DOC2A: variants seen among roughly 807,000 people sequenced by gnomAD.
DOC2A encodes double C2-like domain-containing protein alpha.
A neutral mutation model predicts 40.6 loss-of-function variants in DOC2A; 28 were observed. The ratio of observed to expected loss-of-function variants is 0.69; its 90% confidence interval spans 0.51 to 0.95. The LOEUF (loss-of-function observed/expected upper bound fraction) is 0.95. Ranked by LOEUF, DOC2A falls within the 40% of genes least tolerant of loss-of-function variation. The pLI, the probability that DOC2A is intolerant of heterozygous loss-of-function variation, is 0.00. For synonymous variants in DOC2A, 241 were observed against 236.9 expected (o/e 1.02, Z -0.16); for missense variants, 474 against 552.5 (o/e 0.86, Z 1.42).
In DOC2A at chr16:30,009,085, C is replaced by G. The variant is rs1210242780; in HGVS notation, c.438G>C (p.Lys146Asn). Residue 146 changes from lysine (K) to asparagine (N), a missense_variant, in exon 5 of 11, where the codon AAG becomes AAC. By Grantham distance (94) the Lys-to-Asn change is moderately conservative. Coordinates refer to ENST00000350119, the MANE Select transcript of DOC2A (RefSeq NM_003586.3). The surrounding 1 kb of genome is among the most constrained non-coding windows in gnomAD (Gnocchi z 4.1). ...CGGGATTCAGTGTGTTCCTCTGAGTCTTCGTTTTTAGCTTATTGGCCTGGG... is the reference window on the plus strand; with the variant it reads ...CGGGATTCAGTGTGTTCCTCTGAGTGTTCGTTTTTAGCTTATTGGCCTGGG... ...GACKANKLKT[K>N]TQRNTLNPVW... is the part of the protein sequence containing the mutation. 6.2e-7 allele frequency: 1 copy of G among 1,613,920 alleles called. No individual in the cohort carries two copies. Among genetic ancestry groups the G allele is most frequent in the Admixed American group, 1.7e-5 (1 of 60,008 alleles).
At position 30,005,699 on chromosome 16, in the gene DOC2A, C is replaced by T. The variant is rs529303540; in HGVS notation, c.*487G>A. 5.5e-6 allele frequency: 3 copies of T among 545,460 alleles called. No individual in the cohort carries two copies. In the South Asian group the frequency reaches 7.2e-5, roughly 13 times the overall value. The allele number at this position is 545,460 out of a possible 1,614,324, so 33.8% of individuals were successfully genotyped here. ...GAGCATCTGCCACCTGCTGGGGAGG[C>T]AGAGACCCTGCAATGGCCACCTCTT... On this transcript the variant is annotated 3_prime_UTR_variant, in exon 11 of 11. Coordinates refer to ENST00000350119, the MANE Select transcript of DOC2A (RefSeq NM_003586.3).
upstream of DOC2A, chr16:30,011,316 G>T (rs945833414): frequency 1.8e-5 from 18 of 983,626 alleles, no homozygotes; most frequent in Non-Finnish European, 2.0e-5. Context: ...CCAGGCGCGC[G>T]CTGGCACACT....
Position 30,006,309 on chromosome 16 carries a change from A to G in DOC2A, c.1080T>C (p.Gly360=). Residue 360 remains glycine, a synonymous_variant, in exon 11 of 11, where the codon GGT becomes GGC. Transcript: ENST00000350119. This position sits in a 1 kb window ranked among gnomAD's most constrained non-coding sequence, Gnocchi z 6.2. ...AGTGCTTCCGAGCCTCGCCTCGGGCACCTGGCCCCAGGGACACGCCACCTG... is the reference window on the plus strand; with the variant it reads ...AGTGCTTCCGAGCCTCGCCTCGGGCGCCTGGCCCCAGGGACACGCCACCTG... ...DFIGGVSLGP[G]ARGEARKHWS... 1 of 1,611,604 alleles carries G rather than the reference A, an allele frequency of 6.2e-7. No individual in the cohort carries two copies. Among genetic ancestry groups the G allele is most frequent in the Non-Finnish European group, 8.5e-7 (1 of 1,179,518 alleles).
At chr16:30,011,399 A>C (rs995584601), upstream of DOC2A, 1 of 985,056 alleles carries the variant, frequency 1.0e-6, no homozygotes, top group Non-Finnish European at 1.2e-6. Context: ...AGCAGCCGCC[A>C]GAATCGCCGG....
intron 5 of DOC2A, chr16:30,008,692 AC>A: frequency 2.8e-6 from 1 of 358,398 alleles, no homozygotes; most frequent in South Asian, 2.5e-5. Flanking sequence ...TTTAGTAGAG[AC>A]GGGGGTTTCA....
chr16:30,011,445 C>A (rs1206610526), upstream of DOC2A: 4 of 983,636 alleles, frequency 4.1e-6, no homozygotes, highest in African/African-American at 1.7e-5. Context: ...CCTGGCCCCC[C>A]GCCCCCGCCC....
upstream of DOC2A, among the ~76,000 whole-genome samples, chr16:30,014,435 ACCATCTTGTCTAACACGGTGAAACC>A (rs2070834618): frequency 1.3e-5 from 2 of 151,592 alleles, no homozygotes; most frequent in African/African-American, 4.8e-5. Context: ...GGAGATCGAG[ACCATCTTGTCTAACACGGTGAAACC>A]CCATCTCTAC....
chr16:30,007,224 G>A lies in DOC2A; in HGVS notation c.603C>T (p.Leu201=). 1 of 1,614,032 alleles carries A rather than the reference G, an allele frequency of 6.2e-7. No individual in the cohort carries two copies. The highest frequency in any genetic ancestry group is 8.5e-7 in the Non-Finnish European group (1 of 1,180,030). ...IGEIRVPLRR[L]KPSQKKHFNI... is the part of the protein sequence containing the mutation. Reference sequence around the variant, plus strand: ...TAAAATGCTTCTTCTGCGAAGGCTTGAGGCGGCGGAGGGGCACGCGGATCT... The same window carrying A: ...TAAAATGCTTCTTCTGCGAAGGCTTAAGGCGGCGGAGGGGCACGCGGATCT... The change falls in exon 6 of 11, where the codon CTC becomes CTT. Residue 201 remains leucine (L), a synonymous_variant. Coordinates refer to ENST00000350119, the MANE Select transcript of DOC2A (RefSeq NM_003586.3).
Position 30,009,597 on chromosome 16 carries a change from C to A in DOC2A, c.263-40G>T. ...AAGGCAGCATGGGTCGGTATGGAGA[C>A]AGGTGTGTGCGAGAGGCCAGCAGGT... On this transcript the variant is annotated intron_variant, in intron 2 of 10. Coordinates refer to ENST00000350119, the MANE Select transcript of DOC2A (RefSeq NM_003586.3). This position sits in a 1 kb window ranked among gnomAD's most constrained non-coding sequence, Gnocchi z 4.1. The A allele has an allele frequency of 6.6e-7, 1 of 1,526,666 alleles. No individual in the cohort carries two copies. 94.6% of individuals were successfully genotyped at this position (1,526,666 alleles called of 1,614,324 possible). A position where few individuals can be genotyped will look rare whatever the true frequency, so the allele number is the denominator to read the frequency against.
At chr16:30,012,232 A>T (rs796861975), upstream of DOC2A, 12 of 152,290 alleles carry the variant, frequency 7.9e-5, no homozygotes, top group African/African-American at 2.9e-4. Context: ...TTAGGAAGTC[A>T]CCGTGGGTCC....
Position 30,010,115 on chromosome 16 carries a change from G to A in DOC2A, c.108C>T (p.Phe36=), listed in dbSNP as rs1309723090. 4 of 1,613,648 alleles carry A rather than the reference G, an allele frequency of 2.5e-6. No individual in the cohort carries two copies. Among genetic ancestry groups the A allele is most frequent in the Non-Finnish European group, 2.5e-6 (3 of 1,179,766 alleles). Residue 36 remains phenylalanine (F), a synonymous_variant, in exon 2 of 11, where the codon TTC becomes TTT. Coordinates refer to ENST00000350119, the MANE Select transcript of DOC2A (RefSeq NM_003586.3). The surrounding 1 kb of genome is among the most constrained non-coding windows in gnomAD (Gnocchi z 4.2). ...IRPIRQISDY[F]PRGPGPEGGG... The stretch of plus-strand genomic sequence containing the variant: ...CCCCTTCAGGTCCTGGTCCCCGGGG[G>A]AAGTAGTCAGAGATCTGGCGGATGG...
rs2070613162 is a variant in DOC2A at position 30,006,779 on chromosome 16, G to A, written c.878+6C>T. 5.0e-6 allele frequency: 8 copies of A among 1,613,692 alleles called. No individual in the cohort carries two copies. The highest frequency in any genetic ancestry group is 2.2e-5 in the East Asian group (1 of 44,846). On this transcript the variant is annotated splice_donor_region_variant and intron_variant, in intron 8 of 10. Coordinates refer to ENST00000350119, the MANE Select transcript of DOC2A (RefSeq NM_003586.3). The surrounding 1 kb of genome is among the most constrained non-coding windows in gnomAD (Gnocchi z 6.2). ...TGGGGAGGAGAGGGTCAGAGCAAGG[G>A]CTCACGTCTTGACGTAGGGGTCCGA... is the stretch of plus-strand genomic sequence containing the variant.
intron 5 of DOC2A, 65 bp from the exon 6 acceptor site, chr16:30,007,364 G>A: frequency 3.1e-5 from 50 of 1,609,846 alleles, no homozygotes; most frequent in Non-Finnish European, 4.2e-5. Context: ...GTGTAGGAAG[G>A]GCCTTGGACC....
chr16:30,010,478 C>T lies in DOC2A; in HGVS notation c.-13-243G>A. The T allele has an allele frequency of 1.7e-6, 1 of 595,308 alleles. No homozygotes were observed. The highest frequency in any genetic ancestry group is 1.9e-5 in the South Asian group (1 of 52,132). The allele number at this position is 595,308 out of a possible 1,614,324, so 36.9% of individuals were successfully genotyped here. A position where few individuals can be genotyped will look rare whatever the true frequency, so the allele number is the denominator to read the frequency against. ...AGAAGTCGAGGTTGCACCACCCCGT[C>T]CTCACCCACCCACTTCTAGGTTGTC... On this transcript the variant is annotated intron_variant, in intron 1 of 10. Coordinates refer to ENST00000350119, the MANE Select transcript of DOC2A (RefSeq NM_003586.3). This position sits in a 1 kb window ranked among gnomAD's most constrained non-coding sequence, Gnocchi z 4.2.
At position 30,005,688 on chromosome 16, in the gene DOC2A, T is replaced by G; in HGVS notation, c.*498A>C. On this transcript the variant is annotated 3_prime_UTR_variant, in exon 11 of 11. Coordinates refer to ENST00000350119, the MANE Select transcript of DOC2A (RefSeq NM_003586.3). Reference sequence around the variant, plus strand: ...CGAGTGGCCGGGAGCATCTGCCACCTGCTGGGGAGGCAGAGACCCTGCAAT... The same window carrying G: ...CGAGTGGCCGGGAGCATCTGCCACCGGCTGGGGAGGCAGAGACCCTGCAAT... 1.8e-6 allele frequency: 1 copy of G among 547,736 alleles called. No homozygotes were observed. Among genetic ancestry groups the G allele is most frequent in the South Asian group, 2.4e-5 (1 of 41,950 alleles). The allele number at this position is 547,736 out of a possible 1,614,324, so 33.9% of individuals were successfully genotyped here. A position where few individuals can be genotyped will look rare whatever the true frequency, so the allele number is the denominator to read the frequency against.
rs754977785 is a variant in DOC2A at position 30,007,011 on chromosome 16, A to C, written c.714+20T>G. 5.0e-6 allele frequency: 8 copies of C among 1,613,440 alleles called. No individual in the cohort carries two copies. In the Admixed American group the frequency reaches 6.7e-5, roughly 13 times the overall value. ...CAGCCTCCCACCCACATGCATCCCC[A>C]TCCCCATGAGGTGCCTCACCTCCTT... On this transcript the variant is annotated intron_variant, in intron 7 of 10. Transcript: ENST00000350119.
At chr16:30,017,433 T>C (rs2070865400) in intron 1 of DOC2A, among the ~76,000 whole-genome samples, 1 of 152,188 alleles carries the variant, frequency 6.6e-6, no homozygotes, top group East Asian at 1.9e-4. Context: ...AAATGTGATA[T>C]GTATATGCCA....
chr16:30,013,789 A>C (rs1177823528), upstream of DOC2A, among the ~76,000 whole-genome samples: 1 of 150,180 alleles, frequency 6.7e-6, no homozygotes, highest in Non-Finnish European at 1.5e-5. Flanking sequence ...ATCTTGGCTC[A>C]CCGCAACCTC....
chr16:30,017,010 G>A (rs967394560), upstream of DOC2A, among the ~76,000 whole-genome samples: 1 of 152,198 alleles, frequency 6.6e-6, no homozygotes, highest in Non-Finnish European at 1.5e-5. Flanking sequence ...TTGGGGGCAA[G>A]TGTATTCTAG....
Sources: gnomAD v4.1 joint callset for allele counts (sites outside exome capture counted in the v4.1 genomes callset) on GRCh38, gnomAD v4.1.1 for gene constraint, Gnocchi (gnomAD v3.1) non-coding constraint, MANE v1.5 for transcripts, NCBI Gene and HGNC (gene_info 2026-07-23, HGNC 2026-07-21) for gene names.